The following STXBP5L variants were observed in gnomAD, a reference collection of about 807,000 sequenced individuals.
STXBP5L encodes syntaxin-binding protein 5-like.
In STXBP5L, 65 loss-of-function variants were observed where a neutral mutation model predicts 144.5. The observed-to-expected ratio is 0.45, with a 90% CI of 0.37 to 0.55. The LOEUF is 0.55. STXBP5L is among the 20% of genes least tolerant of loss of function. The pLI is 0.00. For synonymous variants in STXBP5L, 505 were observed against 469.6 expected (o/e 1.08, Z -0.97); for missense variants, 1,298 against 1,405.5 (o/e 0.92, Z 1.22).
chr3:121,273,758 A>C (rs2108426002), intron 18 of STXBP5L, among the ~76,000 whole-genome samples: 1 of 152,066 alleles, frequency 6.6e-6, no homozygotes, highest in East Asian at 1.9e-4. Context: ...CTGATAGTAT[A>C]ATTTCAAAAG....
chr3:121,304,840 G>C (rs1221857199), intron 19 of STXBP5L, among the ~76,000 whole-genome samples: 17 of 151,444 alleles, frequency 1.1e-4, no homozygotes, highest in Admixed American at 1.1e-3. Context: ...CCAATGTAAA[G>C]GAAATAATAA....
intron 5 of STXBP5L, among the ~76,000 whole-genome samples, chr3:121,090,509 T>A (rs780714849): frequency 6.6e-5 from 10 of 152,158 alleles, no homozygotes; most frequent in Non-Finnish European, 1.3e-4. Flanking sequence ...TTCAGGAGCA[T>A]GAAAATAGAC....
At chr3:120,930,164 C>CTTTTTTTTTT (rs140390258) in intron 2 of STXBP5L, among the ~76,000 whole-genome samples, 1 of 136,002 alleles carries the variant, frequency 7.4e-6, no homozygotes, top group African/African-American at 2.6e-5. Flanking sequence ...TTTCTATTTT[C>CTTTTTTTTTT]TTTTTTTTTT....
At chr3:120,918,022 G>A (rs1376746893) in intron 2 of STXBP5L, among the ~76,000 whole-genome samples, 1 of 152,190 alleles carries the variant, frequency 6.6e-6, no homozygotes, top group Non-Finnish European at 1.5e-5. Context: ...GGAGGCTGTA[G>A]AGGAGATTTT....
At chr3:120,991,773 G>T (rs560145818) in intron 3 of STXBP5L, among the ~76,000 whole-genome samples, 2 of 150,860 alleles carry the variant, frequency 1.3e-5, no homozygotes, top group South Asian at 2.1e-4. Flanking sequence ...AGAACACATG[G>T]ACACAGGGTG....
At chr3:121,347,988 C>A (rs2045077344) in intron 20 of STXBP5L, among the ~76,000 whole-genome samples, 1 of 152,154 alleles carries the variant, frequency 6.6e-6, no homozygotes, top group Admixed American at 6.6e-5. Context: ...GAACTTCCAA[C>A]ACTATGTTGA....
chr3:121,110,284 G>A (rs2043917507), intron 5 of STXBP5L, among the ~76,000 whole-genome samples: 1 of 152,186 alleles, frequency 6.6e-6, no homozygotes, highest in Non-Finnish European at 1.5e-5. Context: ...ACTTGTTGAT[G>A]TAGTTGCCTT....
rs1036912763 is a variant in STXBP5L at position 121,421,872 on chromosome 3, T to C, written c.*2775T>C. The C allele has an allele frequency of 1.3e-5, 2 of 152,202 alleles. No homozygotes were observed. Among genetic ancestry groups the C allele is most frequent in the East Asian group, 3.9e-4 (2 of 5,194 alleles). 9.4% of individuals were successfully genotyped at this position (152,202 alleles called of 1,614,324 possible). A position where few individuals can be genotyped will look rare whatever the true frequency, so the allele number is the denominator to read the frequency against. On this transcript the variant is annotated 3_prime_UTR_variant, in exon 27 of 27. Transcript: ENST00000471454. ...CAAATGCTTGAAAAGAAAAGGCTCT[T>C]TGAAGTAGTTAAAACGTGTCTTTCA...
intron 3 of STXBP5L, among the ~76,000 whole-genome samples, chr3:120,982,186 A>T (rs1482671611): frequency 6.6e-6 from 1 of 152,140 alleles, no homozygotes; most frequent in Non-Finnish European, 1.5e-5. Flanking sequence ...GCAGAAGCAG[A>T]TGGGTATGGG....
intron 2 of STXBP5L, among the ~76,000 whole-genome samples, chr3:120,919,967 T>G (rs1311054386): frequency 6.6e-6 from 1 of 151,812 alleles, no homozygotes; most frequent in Non-Finnish European, 1.5e-5. Flanking sequence ...AATTATTTTA[T>G]AATGTATTTG....
chr3:121,152,186 A>G (rs1439980597), intron 7 of STXBP5L, among the ~76,000 whole-genome samples: 1 of 151,958 alleles, frequency 6.6e-6, no homozygotes, highest in Non-Finnish European at 1.5e-5. Flanking sequence ...TTCGTTTTCT[A>G]TCCCATTTTT....
intron 8 of STXBP5L, among the ~76,000 whole-genome samples, chr3:121,156,448 T>C (rs2046113544): frequency 6.6e-6 from 1 of 152,010 alleles, no homozygotes; most frequent in Non-Finnish European, 1.5e-5. Flanking sequence ...CCTTTATGTC[T>C]ACTAGAATTT....
chr3:120,931,325 A>C (rs1340429339), intron 2 of STXBP5L, among the ~76,000 whole-genome samples: 1 of 152,212 alleles, frequency 6.6e-6, no homozygotes, highest in African/African-American at 2.4e-5. Flanking sequence ...TGCATATGTT[A>C]GCTGGATAAG....
chr3:121,054,282 A>G (rs1185090361), intron 5 of STXBP5L, among the ~76,000 whole-genome samples: 1 of 152,172 alleles, frequency 6.6e-6, no homozygotes, highest in Non-Finnish European at 1.5e-5. Context: ...CTATAAAGAC[A>G]CATGTGCACG....
At chr3:121,266,718 T>C (rs1022315271) in intron 18 of STXBP5L, among the ~76,000 whole-genome samples, 1 of 152,096 alleles carries the variant, frequency 6.6e-6, no homozygotes, top group Non-Finnish European at 1.5e-5. Flanking sequence ...GATTGTATAT[T>C]TAGAAAACCC....
intron 5 of STXBP5L, among the ~76,000 whole-genome samples, chr3:121,084,118 A>C (rs1017837237): frequency 6.6e-6 from 1 of 150,972 alleles, no homozygotes; most frequent in Non-Finnish European, 1.5e-5. Context: ...TACTCTGCTC[A>C]GTTTGTGTTT....
intron 22 of STXBP5L, among the ~76,000 whole-genome samples, chr3:121,405,195 G>A (rs2046967913): frequency 6.6e-6 from 1 of 152,024 alleles, no homozygotes; most frequent in South Asian, 2.1e-4. Flanking sequence ...TGGGGGTTGG[G>A]GCTTTAACAT....
chr3:121,088,163 C>A (rs998513089), intron 5 of STXBP5L, among the ~76,000 whole-genome samples: 10 of 148,296 alleles, frequency 6.7e-5, no homozygotes, highest in Admixed American at 1.4e-4. Context: ...CAAACTACAA[C>A]ATGGGAGAAA....
At chr3:121,108,262 G>A (rs1474820452) in intron 5 of STXBP5L, among the ~76,000 whole-genome samples, 1 of 152,140 alleles carries the variant, frequency 6.6e-6, no homozygotes, top group African/African-American at 2.4e-5. Context: ...GAATAGGAGT[G>A]GTGAGAGAGG....
Sources: gnomAD v4.1 joint callset for allele counts (sites outside exome capture counted in the v4.1 genomes callset) on GRCh38, gnomAD v4.1.1 for gene constraint, MANE v1.5 for transcripts, NCBI Gene and HGNC (gene_info 2026-07-23, HGNC 2026-07-21) for gene names.